The following OR1J2 variants were observed in gnomAD, a reference collection of about 807,000 sequenced individuals.
The protein encoded by OR1J2 is olfactory receptor family 1 subfamily J member 2.
For synonymous variants in OR1J2, 142 were observed against 99.7 expected, an observed-to-expected ratio of 1.42 and a Z score of -2.52; for missense variants, 304 against 246.1, an observed-to-expected ratio of 1.24 and a Z score of -1.57.
the OR1J2 span, among the ~76,000 whole-genome samples, chr9:122,535,676 C>T: frequency 8.5e-5 from 13 of 152,144 alleles, no homozygotes; most frequent in Admixed American, 3.3e-4. Context: ...ATCTTTCTCA[C>T]GGAGCAAAAA....
chr9:122,493,951 C>G, the OR1J2 span, among the ~76,000 whole-genome samples: 1 of 152,184 alleles, frequency 6.6e-6, no homozygotes, highest in Non-Finnish European at 1.5e-5. Context: ...AACAATCATT[C>G]AGGAACAGGT....
the OR1J2 span, chr9:122,567,776 C>T: frequency 1.2e-6 from 2 of 1,614,010 alleles, no homozygotes. Flanking sequence ...CTTTGCGTTT[C>T]CCAGAAGTAG....
At chr9:122,492,914 G>T in the OR1J2 span, among the ~76,000 whole-genome samples, 2 of 152,012 alleles carry the variant, frequency 1.3e-5, no homozygotes, top group Non-Finnish European at 2.9e-5. Context: ...GGTTTTAATC[G>T]TAAAAGGATG....
At chr9:122,475,890 CCA>C in the OR1J2 span, 1 of 152,194 alleles carries the variant, frequency 6.6e-6, no homozygotes, top group African/African-American at 2.4e-5. Context: ...CTCTTCAAAC[CCA>C]CACAGTGTTC....
chr9:122,488,710 C>T, the OR1J2 span, among the ~76,000 whole-genome samples: 17 of 152,128 alleles, frequency 1.1e-4, 2 homozygotes, highest in South Asian at 3.3e-3. Flanking sequence ...ATAAAAGAGA[C>T]GGAGAATTAA....
At chr9:122,493,022 T>G in the OR1J2 span, among the ~76,000 whole-genome samples, 1 of 152,182 alleles carries the variant, frequency 6.6e-6, no homozygotes, top group African/African-American at 2.4e-5. Context: ...GACTTACGTA[T>G]GTTAAATCAT....
At chr9:122,558,002 T>C in the OR1J2 span, among the ~76,000 whole-genome samples, 4 of 152,002 alleles carry the variant, frequency 2.6e-5, no homozygotes, top group Non-Finnish European at 4.4e-5. Flanking sequence ...CACAGATTTG[T>C]TCATGGTATT....
chr9:122,450,829 A>G, the OR1J2 span, among the ~76,000 whole-genome samples: 6 of 152,164 alleles, frequency 3.9e-5, no homozygotes, highest in African/African-American at 1.2e-4. Context: ...GATTTCACAT[A>G]TAAGTGAGAT....
chr9:122,524,298 T>A, the OR1J2 span, among the ~76,000 whole-genome samples: 1 of 152,254 alleles, frequency 6.6e-6, no homozygotes, highest in East Asian at 1.9e-4. Flanking sequence ...TGTGTAAGTG[T>A]ACTTTATGAT....
chr9:122,508,130 G>C (rs1017364019), upstream of OR1J2, among the ~76,000 whole-genome samples: 1 of 144,840 alleles, frequency 6.9e-6, no homozygotes, highest in Non-Finnish European at 1.5e-5. Context: ...GAGGGGGGGA[G>C]AGAGAGAGAG....
At chr9:122,514,985 G>T (rs952906930), downstream of OR1J2, among the ~76,000 whole-genome samples, 1 of 152,226 alleles carries the variant, frequency 6.6e-6, no homozygotes, top group African/African-American at 2.4e-5. Context: ...GAACATCGAA[G>T]TTTAGAGACC....
the OR1J2 span, among the ~76,000 whole-genome samples, chr9:122,451,533 C>T: frequency 6.6e-6 from 1 of 152,146 alleles, no homozygotes; most frequent in Non-Finnish European, 1.5e-5. Context: ...CTGCATATGT[C>T]ACTTTTTAAA....
the OR1J2 span, among the ~76,000 whole-genome samples, chr9:122,447,999 T>G: frequency 1.3e-5 from 2 of 151,942 alleles, no homozygotes; most frequent in African/African-American, 2.4e-5. Flanking sequence ...AGAAAAGAAA[T>G]AAGACACAGA....
chr9:122,574,779 G>T, the OR1J2 span, among the ~76,000 whole-genome samples: 1 of 152,070 alleles, frequency 6.6e-6, no homozygotes, highest in Non-Finnish European at 1.5e-5. Context: ...AATGTAATGG[G>T]AAAGCTCCTA....
chr9:122,554,774 C>T, the OR1J2 span, among the ~76,000 whole-genome samples: 1 of 151,186 alleles, frequency 6.6e-6, no homozygotes, highest in South Asian at 2.1e-4. Flanking sequence ...GTATTCCTTA[C>T]TATTTCATTT....
chr9:122,478,729 G>A, the OR1J2 span, among the ~76,000 whole-genome samples: 1 of 152,146 alleles, frequency 6.6e-6, no homozygotes, highest in Admixed American at 6.6e-5. Flanking sequence ...CAACAAGATA[G>A]AAAATCTTTC....
At chr9:122,545,736 A>G in the OR1J2 span, among the ~76,000 whole-genome samples, 3 of 152,152 alleles carry the variant, frequency 2.0e-5, no homozygotes, top group Non-Finnish European at 2.9e-5. Context: ...GGGACCCCAG[A>G]ATTCTACTTC....
the OR1J2 span, among the ~76,000 whole-genome samples, chr9:122,555,667 T>A: frequency 0.24 from 35,896 of 152,122 alleles, 4,702 homozygotes; most frequent in Middle Eastern, 0.34. Context: ...AGTTTGAAAT[T>A]TGTAGGGCAG....
At chr9:122,565,044 C>G in the OR1J2 span, among the ~76,000 whole-genome samples, 1 of 152,158 alleles carries the variant, frequency 6.6e-6, no homozygotes, top group Non-Finnish European at 1.5e-5. Flanking sequence ...CTTATACTTC[C>G]TCGTGAAATT....
Sources: allele counts gnomAD v4.1 joint callset (sites outside exome capture counted in the v4.1 genomes callset), GRCh38; gene constraint gnomAD v4.1.1; transcripts MANE v1.5; gene names NCBI Gene and HGNC (gene_info 2026-07-23, HGNC 2026-07-21).